Variants in MEF2C observed in about 807,000 individuals in gnomAD.
MEF2C encodes the protein myocyte-specific enhancer factor 2C.
Under a neutral mutation model 50.5 loss-of-function variants are expected in MEF2C, and 6 were observed. The observed-to-expected ratio is 0.12, with a 90% confidence interval of 0.07 to 0.23. The LOEUF (loss-of-function observed/expected upper bound fraction) is 0.23. Among genes scored for constraint, MEF2C ranks in the 10% least tolerant of loss-of-function variants. The probability of loss-of-function intolerance (pLI) is 1.00; values close to 1 mark genes in which losing one functional copy is unlikely to be tolerated. For missense variants in MEF2C, 276 were observed against 605.0 expected (o/e 0.46, Z 5.70); for synonymous variants, 183 against 228.0 (o/e 0.80, Z 1.78).
At chr5:88,756,556 G>A (rs1775410925) in intron 4 of MEF2C, among the ~76,000 whole-genome samples, 1 of 152,118 alleles carries the variant, frequency 6.6e-6, no homozygotes, top group Non-Finnish European at 1.5e-5. Context: ...TTACAGTCCA[G>A]GTTATGTAAT....
intron 2 of MEF2C, among the ~76,000 whole-genome samples, chr5:88,814,693 C>A (rs1044977111): frequency 1.3e-5 from 2 of 152,014 alleles, no homozygotes; most frequent in Non-Finnish European, 2.9e-5. Flanking sequence ...AAATAAAACT[C>A]CAAATCTTAT....
At chr5:88,840,595 C>T (rs1213421850) in intron 1 of MEF2C, among the ~76,000 whole-genome samples, 2 of 152,130 alleles carry the variant, frequency 1.3e-5, no homozygotes, top group Non-Finnish European at 2.9e-5. Context: ...AGATTTGTTT[C>T]TAGCCAACTC....
At chr5:88,770,676 C>T (rs539009371) in intron 3 of MEF2C, among the ~76,000 whole-genome samples, 133 of 152,252 alleles carry the variant, frequency 8.7e-4, no homozygotes, top group African/African-American at 1.7e-3. Context: ...CCCTTGATTC[C>T]GTAATTTCTT....
chr5:88,758,025 CCTT>C (rs1776169948), intron 4 of MEF2C, among the ~76,000 whole-genome samples: 3 of 152,316 alleles, frequency 2.0e-5, no homozygotes, highest in South Asian at 4.1e-4. Flanking sequence ...ATCTGTAACA[CCTT>C]CTTGTTTAGG....
In MEF2C at chr5:88,729,307, G is replaced by C; in HGVS notation, c.875C>G (p.Ala292Gly). The change falls in exon 9 of 11, where the codon GCT (alanine) becomes GGT (glycine). Residue 292 changes from alanine to glycine, a missense_variant. Coordinates refer to ENST00000504921, the MANE Select transcript of MEF2C (RefSeq NM_002397.5). ...AGTTGCTACGGAAACCACTGGGGTA[G>C]CCAATGACTGAGCCGACTGGGAGTT... ...INNSQSAQSL[A>G]TPVVSVATPT... The C allele has an allele frequency of 6.2e-7, 1 of 1,612,682 alleles. No individual in the cohort carries two copies. Among genetic ancestry groups the C allele is most frequent in the Non-Finnish European group, 8.5e-7 (1 of 1,179,142 alleles).
chr5:88,869,270 TATATATAC>T (rs1458568173), intron 1 of MEF2C, among the ~76,000 whole-genome samples: 138 of 54,520 alleles, frequency 2.5e-3, no homozygotes, highest in African/African-American at 0.015. Context: ...TATATATATA[TATATATAC>T]ATATATATAT....
chr5:88,804,569 C>T lies in MEF2C; in HGVS notation c.258+29G>A, dbSNP rs371712758. On this transcript the variant is annotated intron_variant, in intron 3 of 10. Coordinates refer to ENST00000504921, the MANE Select transcript of MEF2C (RefSeq NM_002397.5). ...GTCCAAACTCCCCTGCTTGCGGAGG[C>T]TTGGGGCTCACCACGCATGCTCTCT... 9 of 1,610,618 alleles carry T rather than the reference C, an allele frequency of 5.6e-6. No homozygotes were observed. In the East Asian group the frequency reaches 1.3e-4, roughly 24 times the overall value.
At chr5:88,886,477 C>T (rs1047878880), upstream of MEF2C, among the ~76,000 whole-genome samples, 2 of 152,060 alleles carry the variant, frequency 1.3e-5, no homozygotes, top group African/African-American at 4.8e-5. Context: ...AGGGATTTGT[C>T]CTTTCTAGGC....
In MEF2C at chr5:88,861,467, T is replaced by C. The variant is rs114709928; in HGVS notation, c.-143+21488A>G. Among the ~76,000 whole-genome samples, 735 of 152,332 alleles carry C rather than the reference T, an allele frequency of 4.8e-3. 3 individuals are homozygous for C. The highest frequency in any genetic ancestry group is 0.017 in the African/African-American group (704 of 41,570). On this transcript the variant is annotated intron_variant, in intron 1 of 10. Coordinates refer to ENST00000504921, the MANE Select transcript of MEF2C (RefSeq NM_002397.5). ...TGCATTATCTCCCTTGGATGTGGTA[T>C]GTTCTTGAAATTTACCGGTCTATCC...
intron 3 of MEF2C, among the ~76,000 whole-genome samples, chr5:88,788,186 A>AT: frequency 1.4e-5 from 2 of 138,592 alleles, no homozygotes; most frequent in East Asian, 4.3e-4. Context: ...TTGTTTATTT[A>AT]TTTATTTATT....
intron 10 of MEF2C, among the ~76,000 whole-genome samples, chr5:88,727,766 C>T (rs1200242210): frequency 2.6e-5 from 4 of 151,212 alleles, no homozygotes; most frequent in Non-Finnish European, 5.9e-5. Flanking sequence ...ACGTTTTAAG[C>T]TTTTTTAAAA....
chr5:88,772,919 C>T, intron 3 of MEF2C: 1 of 985,426 alleles, frequency 1.0e-6, no homozygotes, highest in Non-Finnish European at 1.2e-6. Context: ...TTTGCCTGAG[C>T]TTGTGATATG....
chr5:88,893,146 CAGACTT>C (rs1286131256), intron 1 of MEF2C, among the ~76,000 whole-genome samples: 3 of 152,052 alleles, frequency 2.0e-5, no homozygotes, highest in Admixed American at 2.0e-4. Flanking sequence ...CAGAAAAAAA[CAGACTT>C]AGAGAATGTC....
chr5:88,839,164 A>T (rs1816322600), intron 1 of MEF2C: 1 of 152,122 alleles, frequency 6.6e-6, no homozygotes, highest in African/African-American at 2.4e-5. Flanking sequence ...CATTTGTCAG[A>T]CTTTTTTCCT....
intron 1 of MEF2C, among the ~76,000 whole-genome samples, chr5:88,852,880 G>A (rs1271808254): frequency 2.6e-5 from 4 of 151,340 alleles, no homozygotes; most frequent in African/African-American, 4.9e-5. Flanking sequence ...GCGCCACTGC[G>A]CTCCAGCCTG....
intron 1 of MEF2C, chr5:88,881,355 C>A (rs1205516962): frequency 6.6e-6 from 1 of 152,142 alleles, no homozygotes; most frequent in East Asian, 1.9e-4. Context: ...AGAACTACTT[C>A]TTTTAACTTA....
intron 5 of MEF2C, chr5:88,750,135 G>C (rs2152508030): frequency 1.2e-6 from 1 of 853,968 alleles, no homozygotes; most frequent in South Asian, 5.4e-5. Flanking sequence ...GTGATACTCT[G>C]TAATTATTAG....
chr5:88,869,278 C>CAT lies in MEF2C; in HGVS notation c.-143+13675_-143+13676dup, dbSNP rs57717988. ...ATATATATATATATATATATATATA[C>CAT]ATATATATATATATATACACATATA... On this transcript the variant is annotated intron_variant, in intron 1 of 10. Coordinates refer to ENST00000504921, the MANE Select transcript of MEF2C (RefSeq NM_002397.5). 3.6e-3 allele frequency among the ~76,000 whole-genome samples: 173 copies of CAT among 48,588 alleles called. 2 individuals are homozygous for CAT. Among genetic ancestry groups the CAT allele is most frequent in the East Asian group, 0.032 (55 of 1,712 alleles). The allele number at this position is 48,588 out of a possible 152,430, so 31.9% of individuals were successfully genotyped here.
At chr5:88,727,428 T>C (rs3797585) in intron 10 of MEF2C, among the ~76,000 whole-genome samples, 1 of 152,126 alleles carries the variant, frequency 6.6e-6, no homozygotes, top group East Asian at 1.9e-4. Context: ...ATCACTATCA[T>C]GTGAAAGCTA....
Sources: allele counts gnomAD v4.1 joint callset (sites outside exome capture counted in the v4.1 genomes callset), GRCh38; gene constraint gnomAD v4.1.1; transcripts MANE v1.5; gene names NCBI Gene and HGNC (gene_info 2026-07-23, HGNC 2026-07-21).